The following ZNF428 variants were observed in gnomAD, a reference collection of about 807,000 sequenced individuals.
ZNF428 encodes enzyme-like protein PIT13.
In ZNF428, 5 loss-of-function variants were observed where a neutral mutation model predicts 15.6. That is an observed-to-expected ratio of 0.32 (90% CI 0.17 to 0.67). The LOEUF (loss-of-function observed/expected upper bound fraction) is 0.67, where lower values mean the gene tolerates loss of function less well. Among genes scored for constraint, ZNF428 ranks in the 30% least tolerant of loss-of-function variants. The pLI is 0.73. For missense variants in ZNF428, 237 were observed against 256.0 expected (o/e 0.93, Z 0.51); for synonymous variants, 97 against 102.2 (o/e 0.95, Z 0.31).
chr19:43,612,955 G>A lies in ZNF428; in HGVS notation c.76+1274C>T, dbSNP rs371636314. 398 of 1,551,604 alleles carry A rather than the reference G, an allele frequency of 2.6e-4. No homozygotes were observed. In the African/African-American group the frequency reaches 4.1e-3, roughly 16 times the overall value. On this transcript the variant is annotated intron_variant, in intron 2 of 2. Coordinates refer to ENST00000300811, the MANE Select transcript of ZNF428 (RefSeq NM_182498.4). The surrounding 1 kb of genome is among the most constrained non-coding windows in gnomAD (Gnocchi z 4.2). ...ACCAGGCCAGCACCCGCAGCAGGCC[G>A]CAAAGTCACAGCCAATCTAGAAGCC...
At position 43,612,670 on chromosome 19, in the gene ZNF428, G is replaced by A. The variant is rs971841885; in HGVS notation, c.76+1559C>T. On this transcript the variant is annotated intron_variant, in intron 2 of 2. Coordinates refer to ENST00000300811, the MANE Select transcript of ZNF428 (RefSeq NM_182498.4). This position sits in a 1 kb window ranked among gnomAD's most constrained non-coding sequence, Gnocchi z 4.2. ...GGCCTAGAACCAGCAACAGGGAAAG[G>A]AGTGACAGCCAGCCTAGAAATCTGA... 6.4e-7 allele frequency: 1 copy of A among 1,551,354 alleles called. No homozygotes were observed. The highest frequency in any genetic ancestry group is 8.7e-7 in the Non-Finnish European group (1 of 1,146,996).
In ZNF428 at chr19:43,612,682, GC is replaced by G; in HGVS notation, c.76+1546del. 6.4e-7 allele frequency: 1 copy of G among 1,551,516 alleles called. No individual in the cohort carries two copies. Among genetic ancestry groups the G allele is most frequent in the Non-Finnish European group, 8.7e-7 (1 of 1,146,982 alleles). On this transcript the variant is annotated intron_variant, in intron 2 of 2. Transcript: ENST00000300811. The surrounding 1 kb of genome is among the most constrained non-coding windows in gnomAD (Gnocchi z 4.2). ...GCAACAGGGAAAGGAGTGACAGCCA[GC>G]CTAGAAATCTGAGCAAGAAGAGTTA...
rs1347578152 is a variant in ZNF428 at position 43,607,791 on chromosome 19, G to A, written c.393C>T (p.Leu131=). 5.0e-6 allele frequency: 8 copies of A among 1,587,444 alleles called. No individual in the cohort carries two copies. The highest frequency in any genetic ancestry group is 2.7e-5 in the African/African-American group (2 of 74,000). Reference sequence around the variant, plus strand: ...GAGGTGGTTCCTCCTCTTCCTCCCCGAGGGCCCTGCCTTCAGGGGCTGGTG... The same window carrying A: ...GAGGTGGTTCCTCCTCTTCCTCCCCAAGGGCCCTGCCTTCAGGGGCTGGTG... ...QEAPAPEGRA[L]GEEEEEPPRA... The change falls in exon 3 of 3, where the codon CTC becomes CTT. Residue 131 remains leucine (L), a synonymous_variant. Coordinates refer to ENST00000300811, the MANE Select transcript of ZNF428 (RefSeq NM_182498.4). This position sits in a 1 kb window ranked among gnomAD's most constrained non-coding sequence, Gnocchi z 5.1.
In ZNF428 at chr19:43,607,418, C is replaced by CACACACACACACGGGAAT; in HGVS notation, c.*198_*199insATTCCCGTGTGTGTGTGT. 2.0e-5 allele frequency: 1 copy of CACACACACACACGGGAAT among 50,156 alleles called. No individual in the cohort carries two copies. The highest frequency in any genetic ancestry group is 4.5e-5 in the Non-Finnish European group (1 of 22,218). 3.1% of individuals were successfully genotyped at this position (50,156 alleles called of 1,614,324 possible). On this transcript the variant is annotated 3_prime_UTR_variant, in exon 3 of 3. Coordinates refer to ENST00000300811, the MANE Select transcript of ZNF428 (RefSeq NM_182498.4). The surrounding 1 kb of genome is among the most constrained non-coding windows in gnomAD (Gnocchi z 5.1). ...ACAAACACACACACGGGCGGGAATA[C>CACACACACACACGGGAAT]ACACACACACACACACACTCTGAAC...
Position 43,612,824 on chromosome 19 carries a change from T to A in ZNF428, c.76+1405A>T, listed in dbSNP as rs1016440276. 2 of 1,551,290 alleles carry A rather than the reference T, an allele frequency of 1.3e-6. No individual in the cohort carries two copies. Among genetic ancestry groups the A allele is most frequent in the African/African-American group, 2.7e-5 (2 of 72,964 alleles). ...CTCCAAGGAGAAGAGTGACAACCCA[T>A]CTCCATCCTCATCAAGGAAGGTGAA... On this transcript the variant is annotated intron_variant, in intron 2 of 2. Coordinates refer to ENST00000300811, the MANE Select transcript of ZNF428 (RefSeq NM_182498.4). This position sits in a 1 kb window ranked among gnomAD's most constrained non-coding sequence, Gnocchi z 4.2.
chr19:43,608,327 C>G lies in ZNF428; in HGVS notation c.77-220G>C, dbSNP rs114687995. Among the ~76,000 whole-genome samples the G allele has an allele frequency of 7.9e-3, 1,209 of 152,294 alleles. 11 individuals are homozygous for G. The highest frequency in any genetic ancestry group is 0.028 in the African/African-American group (1,149 of 41,534). On this transcript the variant is annotated intron_variant, in intron 2 of 2. Coordinates refer to ENST00000300811, the MANE Select transcript of ZNF428 (RefSeq NM_182498.4). ...TTGTGTCAAGCAAATGAATGTCTTC[C>G]AAGAACTGCATGGGACAGGACTGGG...
At chr19:43,614,942 T>A (rs1208571178) in intron 1 of ZNF428, among the ~76,000 whole-genome samples, 2 of 152,094 alleles carry the variant, frequency 1.3e-5, no homozygotes, top group Non-Finnish European at 2.9e-5. Flanking sequence ...CAAGGCTGCC[T>A]TCTGGTTCTT....
At chr19:43,609,810 T>C (rs931032049) in intron 2 of ZNF428, among the ~76,000 whole-genome samples, 9 of 151,866 alleles carry the variant, frequency 5.9e-5, no homozygotes, top group African/African-American at 2.2e-4. Flanking sequence ...CAGCTGCCAT[T>C]ATGGGGGCGC....
chr19:43,613,961 G>A lies in ZNF428; in HGVS notation c.76+268C>T, dbSNP rs562059159. 40 of 1,551,718 alleles carry A rather than the reference G, an allele frequency of 2.6e-5. No homozygotes were observed. In the African/African-American group the frequency reaches 4.8e-4, roughly 19 times the overall value. On this transcript the variant is annotated intron_variant, in intron 2 of 2. Transcript: ENST00000300811. ...CAGTCGACCTAGAGCCTCCAGCAAG[G>A]AGAAAGCTCATAGCCGATCTAGAAC...
Position 43,614,291 on chromosome 19 carries a change from C to G in ZNF428, c.14G>C (p.Arg5Pro), listed in dbSNP as rs763583981. The G allele has an allele frequency of 6.2e-7, 1 of 1,610,046 alleles. No homozygotes were observed. Among genetic ancestry groups the G allele is most frequent in the African/African-American group, 1.3e-5 (1 of 74,894 alleles). The change falls in exon 2 of 3, where the codon CGT becomes CCT. Residue 5 changes from arginine to proline, a missense_variant. Arg to Pro is a moderately radical substitution (Grantham distance 103, BLOSUM62 -2). Coordinates refer to ENST00000300811, the MANE Select transcript of ZNF428 (RefSeq NM_182498.4). MTET[R>P]EPAETGGYAS... The stretch of plus-strand genomic sequence containing the variant: ...GTAGCCCCCAGTCTCAGCTGGCTCA[C>G]GGGTCTCTGTCATGACCGGGGGAGG...
intron 2 of ZNF428, chr19:43,611,934 C>T: frequency 3.3e-6 from 2 of 610,120 alleles, no homozygotes; most frequent in East Asian, 2.8e-5. Flanking sequence ...TATCTCCAGC[C>T]TCAGGCTGGG....
intron 1 of ZNF428, among the ~76,000 whole-genome samples, chr19:43,619,284 C>T (rs771492031): frequency 1.6e-4 from 24 of 152,288 alleles, no homozygotes; most frequent in Non-Finnish European, 3.2e-4. Flanking sequence ...TAAAAGGAAC[C>T]GGTCTCGACA....
In ZNF428 at chr19:43,607,343, A is replaced by G. The variant is rs1973247591; in HGVS notation, c.*274T>C. The G allele has an allele frequency of 7.3e-6, 3 of 411,322 alleles. No individual in the cohort carries two copies. Among genetic ancestry groups the G allele is most frequent in the Non-Finnish European group, 1.3e-5 (3 of 233,570 alleles). 25.5% of individuals were successfully genotyped at this position (411,322 alleles called of 1,614,324 possible). A position where few individuals can be genotyped will look rare whatever the true frequency, so the allele number is the denominator to read the frequency against. On this transcript the variant is annotated 3_prime_UTR_variant, in exon 3 of 3. Transcript: ENST00000300811. The surrounding 1 kb of genome is among the most constrained non-coding windows in gnomAD (Gnocchi z 5.1). ...ATGTTATCTTTCCCAAAAGACCCCA[A>G]GGTTCCCCAAGAAGGAGCCCAGGGG...
At chr19:43,615,127 CTG>C (rs1973359267) in intron 1 of ZNF428, among the ~76,000 whole-genome samples, 2 of 152,266 alleles carry the variant, frequency 1.3e-5, no homozygotes, top group South Asian at 2.1e-4. Flanking sequence ...AACCCTCAAA[CTG>C]TGTTTTTCCT....
At chr19:43,615,153 A>G (rs1338409943) in intron 1 of ZNF428, among the ~76,000 whole-genome samples, 1 of 152,116 alleles carries the variant, frequency 6.6e-6, no homozygotes, top group Non-Finnish European at 1.5e-5. Flanking sequence ...CTCTCACACT[A>G]TCACAACAAT....
At chr19:43,613,275 A>G (rs897117132) in intron 2 of ZNF428, 18 of 1,551,518 alleles carry the variant, frequency 1.2e-5, no homozygotes, top group Non-Finnish European at 1.4e-5. Context: ...AGCCCCAGGA[A>G]GGAGAGTGGT....
Position 43,612,803 on chromosome 19 carries a change from A to G in ZNF428, c.76+1426T>C. On this transcript the variant is annotated intron_variant, in intron 2 of 2. Coordinates refer to ENST00000300811, the MANE Select transcript of ZNF428 (RefSeq NM_182498.4). This position sits in a 1 kb window ranked among gnomAD's most constrained non-coding sequence, Gnocchi z 4.2. ...TCAAACCCCGACTGGAATTCCCTCCAAGGAGAAGAGTGACAACCCATCTCC... is the reference window on the plus strand; with the variant it reads ...TCAAACCCCGACTGGAATTCCCTCCGAGGAGAAGAGTGACAACCCATCTCC... 3.2e-6 allele frequency: 5 copies of G among 1,551,618 alleles called. No individual in the cohort carries two copies. The highest frequency in any genetic ancestry group is 2.0e-5 in the Admixed American group (1 of 50,998).
intron 2 of ZNF428, chr19:43,613,715 C>T: frequency 6.5e-7 from 1 of 1,530,064 alleles, no homozygotes; most frequent in Non-Finnish European, 8.8e-7. Context: ...CAAGGAGAGA[C>T]AGCGCAGACA....
At chr19:43,616,686 C>T (rs1022274677) in intron 1 of ZNF428, among the ~76,000 whole-genome samples, 2 of 152,130 alleles carry the variant, frequency 1.3e-5, no homozygotes, top group Non-Finnish European at 2.9e-5. Context: ...ATTACTACTC[C>T]CACCCCTGCC....
Sources: gnomAD v4.1 joint callset for allele counts (sites outside exome capture counted in the v4.1 genomes callset) on GRCh38, gnomAD v4.1.1 for gene constraint, Gnocchi (gnomAD v3.1) non-coding constraint, MANE v1.5 for transcripts, NCBI Gene and HGNC (gene_info 2026-07-23, HGNC 2026-07-21) for gene names.